RALYL: variants seen among roughly 807,000 people sequenced by gnomAD.
RALYL encodes the protein RALY RNA binding protein like.
A neutral mutation model predicts 35.1 loss-of-function variants in RALYL; 29 were observed. That is an observed-to-expected ratio of 0.83 (90% CI 0.61 to 1.13). The LOEUF (loss-of-function observed/expected upper bound fraction) is 1.13. Among genes scored for constraint, RALYL ranks in the 50% most tolerant of loss-of-function variants. RALYL has a pLI of 0.00. For synonymous variants in RALYL, 120 were observed against 127.6 expected (o/e 0.94, Z 0.40); for missense variants, 359 against 360.4 (o/e 1.00, Z 0.03).
intron 2 of RALYL, among the ~76,000 whole-genome samples, chr8:84,675,902 A>T (rs1280039472): frequency 6.6e-6 from 1 of 152,188 alleles, no homozygotes; most frequent in Non-Finnish European, 1.5e-5. Flanking sequence ...AAAAGGGGGA[A>T]ATATATTATT....
chr8:84,723,968 C>G (rs1295496462), intron 2 of RALYL, among the ~76,000 whole-genome samples: 3 of 151,822 alleles, frequency 2.0e-5, no homozygotes, highest in Non-Finnish European at 4.4e-5. Flanking sequence ...GTTACCTTTG[C>G]ATCACCTTAT....
rs745670645 is a variant in RALYL, at chr8:84,462,196, G to A, written c.-23-67103G>A. Among the ~76,000 whole-genome samples the A allele has an allele frequency of 1.0e-4, 15 of 150,042 alleles. 1 individual carries two copies. Among genetic ancestry groups the A allele is most frequent in the African/African-American group, 2.9e-4 (12 of 40,842 alleles). On this transcript the variant is annotated intron_variant, in intron 1 of 8. Coordinates refer to ENST00000521268, the MANE Select transcript of RALYL (RefSeq NM_173848.7). ...CTTGCTGTTGTTTTAATTTCCAATC[G>A]CCTAATGATGTATGTTCATTGCTTA...
In RALYL at chr8:84,447,721, G is replaced by A. The variant is rs536795506; in HGVS notation, c.-23-81578G>A. ...GACACTTTGTGGGAAGCTCAGGACA[G>A]AGAACTGGTTCTGATTGCTCAGGCA... On this transcript the variant is annotated intron_variant, in intron 1 of 8. Coordinates refer to ENST00000521268, the MANE Select transcript of RALYL (RefSeq NM_173848.7). Among the ~76,000 whole-genome samples, 3 of 152,214 alleles carry A rather than the reference G, an allele frequency of 2.0e-5. No homozygotes were observed. The South Asian group carries it at 6.2e-4, about 32-fold the overall frequency.
rs201010471 is a variant in RALYL at position 84,704,811 on chromosome 8, T to TA, written c.257-69759dup. Among the ~76,000 whole-genome samples, 601 of 151,566 alleles carry TA rather than the reference T, an allele frequency of 4.0e-3. 6 individuals are homozygous for TA. The highest frequency in any genetic ancestry group is 0.013 in the African/African-American group (528 of 41,348). On this transcript the variant is annotated intron_variant, in intron 2 of 8. Transcript: ENST00000521268. ...TGGTTACAAAATATAATTATTTAAG[T>TA]AAAAAAAAATCCTTTACACTGAAAC...
chr8:84,324,678 T>A (rs1294413187), intron 1 of RALYL, among the ~76,000 whole-genome samples: 1 of 152,080 alleles, frequency 6.6e-6, no homozygotes, highest in African/African-American at 2.4e-5. Flanking sequence ...TTACATTATT[T>A]AATAGTACTA....
chr8:84,500,366 T>C (rs530619045), intron 1 of RALYL, among the ~76,000 whole-genome samples: 1 of 152,310 alleles, frequency 6.6e-6, no homozygotes, highest in South Asian at 2.1e-4. Flanking sequence ...TTACACACAC[T>C]TATCACATAT....
intron 1 of RALYL, among the ~76,000 whole-genome samples, chr8:84,314,695 C>G (rs1239037073): frequency 6.6e-6 from 1 of 152,120 alleles, no homozygotes; most frequent in Non-Finnish European, 1.5e-5. Context: ...AGTTACTGCA[C>G]TCCAGCCTGG....
intron 4 of RALYL, among the ~76,000 whole-genome samples, chr8:84,819,124 CT>C (rs1418470708): frequency 1.3e-5 from 2 of 152,144 alleles, no homozygotes; most frequent in Admixed American, 1.3e-4. Flanking sequence ...TAAAAATCTA[CT>C]TTTTTGCGTT....
chr8:84,249,359 G>A (rs4526357), intron 1 of RALYL, among the ~76,000 whole-genome samples: 1 of 152,060 alleles, frequency 6.6e-6, no homozygotes, highest in Admixed American at 6.6e-5. Context: ...CAAGAGTTTA[G>A]ATAAATGTTT....
At chr8:84,236,262 A>G (rs558440566) in intron 1 of RALYL, among the ~76,000 whole-genome samples, 1 of 152,342 alleles carries the variant, frequency 6.6e-6, no homozygotes, top group East Asian at 1.9e-4. Context: ...GCCCAGTGAT[A>G]TAAAGTAACT....
At chr8:84,219,320 TCC>T (rs953894556) in intron 1 of RALYL, among the ~76,000 whole-genome samples, 11 of 152,158 alleles carry the variant, frequency 7.2e-5, no homozygotes, top group African/African-American at 2.4e-4. Flanking sequence ...TTCTCCTTCC[TCC>T]CTCCTTGTGA....
At chr8:84,609,274 A>T (rs996008738) in intron 2 of RALYL, among the ~76,000 whole-genome samples, 6 of 152,092 alleles carry the variant, frequency 3.9e-5, no homozygotes, top group African/African-American at 1.4e-4. Context: ...GAGGAACTTA[A>T]ATTTATAGTT....
In RALYL at chr8:84,298,386, G is replaced by T. The variant is rs144014406; in HGVS notation, c.-24+113962G>T. Among the ~76,000 whole-genome samples, 36 of 151,984 alleles carry T rather than the reference G, an allele frequency of 2.4e-4. No homozygotes were observed. The East Asian group carries it at 6.7e-3, about 28-fold the overall frequency. On this transcript the variant is annotated intron_variant, in intron 1 of 8. Coordinates refer to ENST00000521268, the MANE Select transcript of RALYL (RefSeq NM_173848.7). ...TCTGCACTTTCTATTCGGTTCCATT[G>T]TCTATTGTGTTTGTATTTGTGCCAT...
intron 6 of RALYL, among the ~76,000 whole-genome samples, chr8:84,871,137 T>C (rs976884678): frequency 1.3e-4 from 20 of 152,182 alleles, no homozygotes; most frequent in African/African-American, 4.8e-4. Flanking sequence ...CATTAACTTA[T>C]TAGACCCAAA....
At chr8:84,298,786 G>A (rs1054404759) in intron 1 of RALYL, among the ~76,000 whole-genome samples, 1 of 151,870 alleles carries the variant, frequency 6.6e-6, no homozygotes, top group African/African-American at 2.4e-5. Flanking sequence ...CTGGTTAGCT[G>A]TTTTCCTAGC....
At chr8:84,904,483 C>A (rs1478969214) in intron 8 of RALYL, among the ~76,000 whole-genome samples, 1 of 151,908 alleles carries the variant, frequency 6.6e-6, no homozygotes, top group Non-Finnish European at 1.5e-5. Context: ...ATAAGAGAAC[C>A]AAAAGAATTT....
intron 1 of RALYL, among the ~76,000 whole-genome samples, chr8:84,529,021 AT>A (rs1475454034): frequency 6.6e-6 from 1 of 152,222 alleles, no homozygotes; most frequent in East Asian, 1.9e-4. Flanking sequence ...AGACTTAAAT[AT>A]AAAAACAACT....
intron 2 of RALYL, among the ~76,000 whole-genome samples, chr8:84,604,564 A>AT (rs1406425989): frequency 1.3e-4 from 20 of 152,212 alleles, no homozygotes; most frequent in African/African-American, 4.8e-4. Flanking sequence ...TCTAATTTGA[A>AT]TTTTTGCAAA....
chr8:84,432,035 T>C (rs997952495), intron 1 of RALYL, among the ~76,000 whole-genome samples: 1 of 152,164 alleles, frequency 6.6e-6, no homozygotes, highest in East Asian at 1.9e-4. Context: ...TTCTTCAAAA[T>C]GTAAATATGG....
Sources: gnomAD v4.1 joint callset for allele counts (sites outside exome capture counted in the v4.1 genomes callset) on GRCh38, gnomAD v4.1.1 for gene constraint, MANE v1.5 for transcripts, NCBI Gene and HGNC (gene_info 2026-07-23, HGNC 2026-07-21) for gene names.